SGIP1: variants seen among roughly 807,000 people sequenced by gnomAD.
SGIP1 encodes SH3GL interacting endocytic adaptor 1.
Under a neutral mutation model 107.5 loss-of-function variants are expected in SGIP1, and 38 were observed. That is an observed-to-expected ratio of 0.35 (90% CI 0.27 to 0.46). The LOEUF is 0.46. SGIP1 is among the 20% of genes least tolerant of loss of function. The probability of loss-of-function intolerance (pLI) is 1.00; values close to 1 mark genes in which losing one functional copy is unlikely to be tolerated. For missense variants in SGIP1, 929 were observed against 1,019.5 expected, an observed-to-expected ratio of 0.91 and a Z score of 1.21; for synonymous variants, 365 against 366.1, an observed-to-expected ratio of 1.00 and a Z score of 0.03.
At chr1:66,540,516 C>G (rs2054670672) in intron 1 of SGIP1, among the ~76,000 whole-genome samples, 3 of 152,064 alleles carry the variant, frequency 2.0e-5, no homozygotes, top group South Asian at 4.1e-4. Flanking sequence ...ATGACCAAGC[C>G]TGAAAATGGT....
chr1:66,729,885 T>A (rs1557781264), intron 20 of SGIP1, among the ~76,000 whole-genome samples: 1 of 152,198 alleles, frequency 6.6e-6, no homozygotes, highest in Admixed American at 6.5e-5. Flanking sequence ...CTCTGCAACC[T>A]CCGCCTCCTG....
chr1:66,548,024 G>A (rs2056733013), intron 1 of SGIP1, among the ~76,000 whole-genome samples: 1 of 152,130 alleles, frequency 6.6e-6, no homozygotes, highest in African/African-American at 2.4e-5. Flanking sequence ...GAAGGGAACA[G>A]AGGCAGGAGA....
At chr1:66,619,691 C>A (rs2070431144) in intron 1 of SGIP1, among the ~76,000 whole-genome samples, 1 of 152,190 alleles carries the variant, frequency 6.6e-6, no homozygotes, top group East Asian at 1.9e-4. Flanking sequence ...CAGGACTCTC[C>A]ACTTACACTT....
chr1:66,709,816 T>G (rs750510102), intron 18 of SGIP1, among the ~76,000 whole-genome samples: 16 of 152,114 alleles, frequency 1.1e-4, no homozygotes, highest in Non-Finnish European at 2.1e-4. Context: ...TGTGGAACAC[T>G]TAGCACAGTC....
chr1:66,693,284 A>AAATAAATG (rs1479297873), intron 17 of SGIP1, among the ~76,000 whole-genome samples: 5 of 151,286 alleles, frequency 3.3e-5, no homozygotes, highest in African/African-American at 1.2e-4. Flanking sequence ...ATAAATAAAT[A>AAATAAATG]AAAAACAGTA....
intron 2 of SGIP1, 103 bp from the exon 3 acceptor site, chr1:66,632,967 G>A (rs2075084291): frequency 2.6e-6 from 2 of 783,466 alleles, no homozygotes; most frequent in African/African-American, 1.7e-5. Context: ...GGGAATGCTG[G>A]GGAAGGGGAG....
intron 7 of SGIP1, among the ~76,000 whole-genome samples, chr1:66,653,674 G>A (rs12128857): frequency 0.27 from 40,845 of 152,030 alleles, 5,562 homozygotes; most frequent in Admixed American, 0.28. Context: ...GAATAAGGCT[G>A]TGTACTCACA....
chr1:66,619,249 A>G (rs1462450802), intron 1 of SGIP1, among the ~76,000 whole-genome samples: 1 of 152,220 alleles, frequency 6.6e-6, no homozygotes, highest in African/African-American at 2.4e-5. Flanking sequence ...GATCTCCAAA[A>G]GTGGTGCCTT....
At position 66,671,903 on chromosome 1, in the gene SGIP1, G is replaced by T. The variant is rs1298447743; in HGVS notation, c.509-41G>T. ...AGGTTATAAGACATATCAGGGAATGGTAAAAATTTGTCTAAAAAGTTCCTT... is the reference window on the plus strand; with the variant it reads ...AGGTTATAAGACATATCAGGGAATGTTAAAAATTTGTCTAAAAAGTTCCTT... On this transcript the variant is annotated intron_variant, in intron 10 of 24. Coordinates refer to ENST00000371037, the MANE Select transcript of SGIP1 (RefSeq NM_032291.4). 5 of 1,597,694 alleles carry T rather than the reference G, an allele frequency of 3.1e-6. No homozygotes were observed. In the Admixed American group the frequency reaches 5.0e-5, roughly 16 times the overall value.
At chr1:66,732,490 G>A (rs1415540139) in intron 20 of SGIP1, among the ~76,000 whole-genome samples, 2 of 152,086 alleles carry the variant, frequency 1.3e-5, no homozygotes, top group African/African-American at 4.8e-5. Flanking sequence ...CATTTCCAGG[G>A]CCAAAGAGCT....
chr1:66,617,820 AT>A lies in SGIP1; in HGVS notation c.11-8026del, dbSNP rs376211227. 1.3e-3 allele frequency among the ~76,000 whole-genome samples: 196 copies of A among 152,206 alleles called. 4 individuals carry two copies. The East Asian group carries it at 0.03, about 24-fold the overall frequency. On this transcript the variant is annotated intron_variant, in intron 1 of 24. Coordinates refer to ENST00000371037, the MANE Select transcript of SGIP1 (RefSeq NM_032291.4). ...AATGTGCAGCCTAACTTGCCTAAAA[AT>A]ATCTCTCCATTTTTTCAAAAAAATC...
At chr1:66,575,974 G>A (rs1226730126) in intron 1 of SGIP1, among the ~76,000 whole-genome samples, 3 of 152,318 alleles carry the variant, frequency 2.0e-5, no homozygotes, top group South Asian at 2.1e-4. Flanking sequence ...CTAGTCTGCA[G>A]GACCCGTTTT....
At chr1:66,697,068 C>G (rs1032147442) in intron 18 of SGIP1, among the ~76,000 whole-genome samples, 2 of 151,820 alleles carry the variant, frequency 1.3e-5, no homozygotes, top group African/African-American at 4.8e-5. Context: ...TGTCTGGGCT[C>G]AACAACAAAA....
intron 1 of SGIP1, among the ~76,000 whole-genome samples, chr1:66,571,781 G>C (rs551095010): frequency 6.6e-6 from 1 of 151,956 alleles, no homozygotes; most frequent in East Asian, 1.9e-4. Context: ...ATTCTTCCTT[G>C]CTTAACATTC....
chr1:66,534,407 A>C, intron 1 of SGIP1, 39 bp downstream of exon 1: 1 of 1,612,722 alleles, frequency 6.2e-7, no homozygotes, highest in Non-Finnish European at 8.5e-7. Flanking sequence ...GCTTCAGGCA[A>C]GGTTTGGGCA....
intron 1 of SGIP1, among the ~76,000 whole-genome samples, chr1:66,568,362 A>AGAATTTGCT (rs2059935801): frequency 6.6e-6 from 1 of 151,252 alleles, no homozygotes; most frequent in South Asian, 2.1e-4. Flanking sequence ...TTTTGTCCTG[A>AGAATTTGCT]GAAGTTGCTT....
rs563241870 is a variant in SGIP1, at chr1:66,644,887, G to A, written c.459+1168G>A. ...TTAAGATGTCTTCTTGAAAAGGGAA[G>A]CATGAAATGTATTAGTTTTCTTTTC... On this transcript the variant is annotated intron_variant, in intron 7 of 24. Coordinates refer to ENST00000371037, the MANE Select transcript of SGIP1 (RefSeq NM_032291.4). 2.0e-5 allele frequency among the ~76,000 whole-genome samples: 3 copies of A among 152,262 alleles called. No individual in the cohort carries two copies. In the South Asian group the frequency reaches 6.2e-4, roughly 32 times the overall value.
chr1:66,627,501 A>G (rs1276909454), intron 2 of SGIP1, among the ~76,000 whole-genome samples: 2 of 152,192 alleles, frequency 1.3e-5, no homozygotes, highest in African/African-American at 2.4e-5. Flanking sequence ...GGCTACTTCC[A>G]TAGGCAGTGG....
intron 15 of SGIP1, 105 bp downstream of exon 15, chr1:66,682,474 G>GT: frequency 7.2e-7 from 1 of 1,394,242 alleles, no homozygotes; most frequent in Non-Finnish European, 9.8e-7. Context: ...CAGAGCTTCA[G>GT]CCCTCACTCC....
Sources: gnomAD v4.1 joint callset for allele counts (sites outside exome capture counted in the v4.1 genomes callset) on GRCh38, gnomAD v4.1.1 for gene constraint, MANE v1.5 for transcripts, NCBI Gene and HGNC (gene_info 2026-07-23, HGNC 2026-07-21) for gene names.